Variants in PLXNA4 observed in about 807,000 individuals in gnomAD.
PLXNA4 encodes plexin-A4.
PLXNA4 carries 44 observed loss-of-function variants against 191.8 expected under a neutral mutation model. The ratio of observed to expected loss-of-function variants is 0.23; its 90% CI spans 0.18 to 0.29. The LOEUF is 0.29. Among genes scored for constraint, PLXNA4 ranks in the 10% least tolerant of loss-of-function variants. The pLI is 1.00. For synonymous variants in PLXNA4, 1,082 were observed against 1,009.5 expected (o/e 1.07, Z -1.36); for missense variants, 1,800 against 2,488.8 (o/e 0.72, Z 5.89).
intron 9 of PLXNA4, among the ~76,000 whole-genome samples, chr7:132,218,341 G>A (rs1157167190): frequency 6.6e-6 from 1 of 152,172 alleles, no homozygotes; most frequent in Non-Finnish European, 1.5e-5. Flanking sequence ...CTCTGGAGTA[G>A]GCAGGCTGGT....
chr7:132,301,038 CA>C (rs779158948), intron 3 of PLXNA4, among the ~76,000 whole-genome samples: 2 of 152,132 alleles, frequency 1.3e-5, no homozygotes, highest in Non-Finnish European at 2.9e-5. Context: ...GAGGAAGCAC[CA>C]ACTGGACAAG....
chr7:132,615,810 C>T (rs1163356771), intron 2 of PLXNA4, among the ~76,000 whole-genome samples: 1 of 152,188 alleles, frequency 6.6e-6, no homozygotes, highest in East Asian at 1.9e-4. Context: ...CATGCACACA[C>T]ACACACATGC....
intron 25 of PLXNA4, among the ~76,000 whole-genome samples, chr7:132,154,413 G>T (rs376250188): frequency 6.8e-6 from 1 of 146,804 alleles, no homozygotes; most frequent in African/African-American, 2.5e-5. Flanking sequence ...AAAACGTTCT[G>T]TTTTTTTTTT....
chr7:132,448,380 A>G (rs1252883243), intron 3 of PLXNA4, among the ~76,000 whole-genome samples: 1 of 152,206 alleles, frequency 6.6e-6, no homozygotes, highest in African/African-American at 2.4e-5. Flanking sequence ...GTAGTTTGCG[A>G]ACACCAGGGT....
intron 3 of PLXNA4, among the ~76,000 whole-genome samples, chr7:132,396,008 C>A: frequency 6.6e-6 from 1 of 152,224 alleles, no homozygotes. Context: ...CTTTAAGCCT[C>A]ACTGGAGATA....
At chr7:132,408,410 T>A (rs1422787400) in intron 3 of PLXNA4, among the ~76,000 whole-genome samples, 1 of 152,114 alleles carries the variant, frequency 6.6e-6, no homozygotes, top group Non-Finnish European at 1.5e-5. Context: ...AATAAACAAG[T>A]ATTTTTCAAT....
At chr7:132,169,186 G>C (rs780930306) in intron 21 of PLXNA4, among the ~76,000 whole-genome samples, 3 of 152,224 alleles carry the variant, frequency 2.0e-5, no homozygotes, top group Non-Finnish European at 2.9e-5. Flanking sequence ...AGTCTCTAAA[G>C]AACTTCCTAA....
chr7:132,411,290 G>T (rs557081180), intron 3 of PLXNA4, among the ~76,000 whole-genome samples: 2 of 152,234 alleles, frequency 1.3e-5, no homozygotes, highest in African/African-American at 2.4e-5. Context: ...CTCTGAACGG[G>T]TATCTTCCAC....
At chr7:132,226,346 G>A in intron 7 of PLXNA4, 86 bp from the exon 8 acceptor site, 1 of 1,192,454 alleles carries the variant, frequency 8.4e-7, no homozygotes, top group Non-Finnish European at 1.2e-6. Context: ...CTGGAAAAGG[G>A]AGCCTGCTCC....
intron 2 of PLXNA4, among the ~76,000 whole-genome samples, chr7:132,499,489 A>C (rs1256693164): frequency 6.6e-6 from 1 of 152,236 alleles, no homozygotes; most frequent in African/African-American, 2.4e-5. Context: ...AGAGAACCCC[A>C]GTGGCTACCT....
chr7:132,178,422 G>C (rs1584800566), intron 20 of PLXNA4, among the ~76,000 whole-genome samples: 1 of 152,286 alleles, frequency 6.6e-6, no homozygotes, highest in East Asian at 1.9e-4. Context: ...CTTTTTATCA[G>C]TCTGCAGCTT....
At chr7:132,179,994 A>G in intron 19 of PLXNA4, 73 bp from the exon 20 acceptor site, 1 of 1,505,436 alleles carries the variant, frequency 6.6e-7, no homozygotes, top group Non-Finnish European at 8.9e-7. Context: ...CAAGTTACCC[A>G]TGAACTAGTG....
At chr7:132,543,843 C>G (rs1357872652) in intron 1 of PLXNA4, among the ~76,000 whole-genome samples, 2 of 152,200 alleles carry the variant, frequency 1.3e-5, no homozygotes, top group African/African-American at 4.8e-5. Flanking sequence ...AGACCAAAAT[C>G]AGGAAGGAGA....
intron 10 of PLXNA4, among the ~76,000 whole-genome samples, chr7:132,208,315 T>G (rs553087410): frequency 8.5e-5 from 13 of 152,324 alleles, no homozygotes; most frequent in African/African-American, 3.1e-4. Context: ...TTGCCTCAGT[T>G]TCTTTCTTAG....
At chr7:132,251,797 G>A (rs1252149634) in intron 4 of PLXNA4, among the ~76,000 whole-genome samples, 3 of 151,214 alleles carry the variant, frequency 2.0e-5, no homozygotes, top group Non-Finnish European at 2.9e-5. Context: ...ACAGGAGACT[G>A]TGTGCAAATA....
At chr7:132,340,259 CTGTAT>C (rs1802975094) in intron 3 of PLXNA4, among the ~76,000 whole-genome samples, 1 of 152,214 alleles carries the variant, frequency 6.6e-6, no homozygotes, top group South Asian at 2.1e-4. Flanking sequence ...TCCCTCTTCA[CTGTAT>C]TGCTTATTAA....
At chr7:132,251,822 C>T (rs1295408900) in intron 4 of PLXNA4, among the ~76,000 whole-genome samples, 5 of 152,290 alleles carry the variant, frequency 3.3e-5, no homozygotes, top group South Asian at 2.1e-4. Flanking sequence ...CATCTTTCCT[C>T]GCAGGCAACC....
intron 3 of PLXNA4, among the ~76,000 whole-genome samples, chr7:132,373,435 G>C (rs541897376): frequency 5.3e-5 from 8 of 152,294 alleles, no homozygotes; most frequent in African/African-American, 1.7e-4. Context: ...GATGTGCATA[G>C]GTTAGTGAAA....
intron 4 of PLXNA4, among the ~76,000 whole-genome samples, chr7:132,269,093 C>G (rs1010890176): frequency 6.6e-6 from 1 of 152,182 alleles, no homozygotes; most frequent in Non-Finnish European, 1.5e-5. Context: ...ACCTCTGGCT[C>G]TCCACATTGG....
Sources: gnomAD v4.1 joint callset for allele counts (sites outside exome capture counted in the v4.1 genomes callset) on GRCh38, gnomAD v4.1.1 for gene constraint, MANE v1.5 for transcripts, NCBI Gene and HGNC (gene_info 2026-07-23, HGNC 2026-07-21) for gene names.